The following CEP63 variants were observed in gnomAD, a reference collection of about 807,000 sequenced individuals.
CEP63 encodes centrosomal protein of 63 kDa.
Under a neutral mutation model 89.1 loss-of-function variants are expected in CEP63, and 84 were observed. That is an observed-to-expected ratio of 0.94 (90% CI 0.79 to 1.13). The LOEUF is 1.13. CEP63 is among the 50% of genes most tolerant of loss of function. The pLI is 0.00. For missense variants in CEP63, 838 were observed against 813.3 expected (o/e 1.03, Z -0.37); for synonymous variants, 267 against 272.5 (o/e 0.98, Z 0.20).
the CEP63 span, chr3:134,629,580 C>G: frequency 2.0e-6 from 3 of 1,509,558 alleles, no homozygotes; most frequent in Non-Finnish European, 2.7e-6. Flanking sequence ...CTTCAATCCT[C>G]TCTGCCAGCC....
chr3:134,651,709 G>A, the CEP63 span: 2 of 780,748 alleles, frequency 2.6e-6, no homozygotes, highest in Non-Finnish European at 3.1e-6. Context: ...AAGTCTTAAA[G>A]TCTCGGTTCG....
downstream of CEP63, among the ~76,000 whole-genome samples, chr3:134,568,346 A>C (rs892964001): frequency 6.6e-6 from 1 of 152,214 alleles, no homozygotes; most frequent in African/African-American, 2.4e-5. Context: ...AATAAAATAC[A>C]ACAAACAAGA....
chr3:134,489,190 T>TA (rs1936798588), intron 1 of CEP63, among the ~76,000 whole-genome samples: 1 of 151,502 alleles, frequency 6.6e-6, no homozygotes, highest in Non-Finnish European at 1.5e-5. Flanking sequence ...ATTCAGTTCC[T>TA]AACTTGCATT....
At chr3:134,650,736 A>C in the CEP63 span, 1 of 1,226,580 alleles carries the variant, frequency 8.2e-7, no homozygotes, top group Non-Finnish European at 1.1e-6. Context: ...CGTTCGGGGG[A>C]GCAATGGGCG....
chr3:134,527,087 T>C (rs6763142), intron 3 of CEP63, among the ~76,000 whole-genome samples: 3,844 of 152,276 alleles, frequency 0.025, 141 homozygotes, highest in African/African-American at 0.087. Context: ...CTTGTTTACA[T>C]GTGCCAGCAG....
the CEP63 span, among the ~76,000 whole-genome samples, chr3:134,621,715 AGG>A: frequency 3.9e-5 from 6 of 152,200 alleles, no homozygotes; most frequent in Non-Finnish European, 8.8e-5. Flanking sequence ...AACAGATAAA[AGG>A]GCATTCGTGA....
At chr3:134,548,157 C>G (rs985739944) in intron 9 of CEP63, among the ~76,000 whole-genome samples, 1 of 152,184 alleles carries the variant, frequency 6.6e-6, no homozygotes, top group African/African-American at 2.4e-5. Flanking sequence ...AAAACCATCC[C>G]TTAATCCTAT....
the CEP63 span, chr3:134,603,952 A>G: frequency 1.2e-6 from 2 of 1,613,960 alleles, no homozygotes; most frequent in South Asian, 2.2e-5. Context: ...CTTCTTGACA[A>G]AGATCTTGAG....
chr3:134,486,004 C>T (rs1935148319), upstream of CEP63: 6 of 969,492 alleles, frequency 6.2e-6, no homozygotes, highest in Non-Finnish European at 7.3e-6. Flanking sequence ...CCCCCCCCCT[C>T]CCCCGCATCA....
chr3:134,599,406 C>T, the CEP63 span, among the ~76,000 whole-genome samples: 24 of 152,164 alleles, frequency 1.6e-4, no homozygotes, highest in Non-Finnish European at 2.4e-4. Context: ...ACTACAGCTA[C>T]GAGAATGGTC....
the CEP63 span, among the ~76,000 whole-genome samples, chr3:134,652,955 C>G: frequency 1.3e-5 from 2 of 152,182 alleles, no homozygotes; most frequent in African/African-American, 4.8e-5. Flanking sequence ...CACTTGCATT[C>G]CCATCTCCCA....
At chr3:134,671,208 A>C in the CEP63 span, among the ~76,000 whole-genome samples, 1 of 152,232 alleles carries the variant, frequency 6.6e-6, no homozygotes. Context: ...GCTGGAGTCC[A>C]TTATCCTACG....
chr3:134,650,824 C>T, the CEP63 span: 9 of 1,584,134 alleles, frequency 5.7e-6, no homozygotes, highest in Non-Finnish European at 7.7e-6. Context: ...GCGCGCGTTA[C>T]CTCCTCCGCG....
chr3:134,494,038 C>G (rs1164775978), intron 1 of CEP63, among the ~76,000 whole-genome samples: 1 of 152,002 alleles, frequency 6.6e-6, no homozygotes, highest in Non-Finnish European at 1.5e-5. Context: ...TTTAAGGGTC[C>G]TCTTTCCTTT....
Position 134,545,772 on chromosome 3 carries a change from C to T in CEP63, c.742C>T (p.Gln248Ter), listed in dbSNP as rs145706998. The part of the protein sequence containing the change: ...VGTSMTVLQE[Q>*]QQKEEKLRES... The stretch of plus-strand genomic sequence containing the variant: ...AACCAGTATGACTGTCCTACAGGAG[C>T]AGCAGCAAAAAGAAGAAAAATTGAG... Residue 248 changes from glutamine to a stop codon, truncating the protein, a stop_gained, in exon 7 of 15, where the codon CAG (glutamine) becomes TAG (stop). Transcript: ENST00000675561. LOFTEE classifies it high-confidence loss of function. 1 of 1,613,270 alleles carries T rather than the reference C, an allele frequency of 6.2e-7. No homozygotes were observed. The highest frequency in any genetic ancestry group is 8.5e-7 in the Non-Finnish European group (1 of 1,179,780).
the CEP63 span, among the ~76,000 whole-genome samples, chr3:134,768,579 G>A: frequency 3.9e-5 from 6 of 152,272 alleles, no homozygotes; most frequent in South Asian, 6.2e-4. Context: ...GAAACACTGG[G>A]ATTTCAGATG....
At chr3:134,537,559 G>A (rs946336584) in intron 6 of CEP63, among the ~76,000 whole-genome samples, 9 of 152,022 alleles carry the variant, frequency 5.9e-5, no homozygotes, top group African/African-American at 1.9e-4. Flanking sequence ...TCATTGTCTT[G>A]CTTACTCAGG....
At chr3:134,567,180 G>T (rs1447816453), downstream of CEP63, among the ~76,000 whole-genome samples, 19 of 150,658 alleles carry the variant, frequency 1.3e-4, no homozygotes, top group Non-Finnish European at 2.1e-4. Context: ...CATATTGTAT[G>T]ACTCCATTTA....
upstream of CEP63, chr3:134,485,881 A>T (rs138101536): frequency 4.8e-4 from 268 of 560,862 alleles, no homozygotes; most frequent in African/African-American, 5.2e-3. Context: ...AATAGGGGGA[A>T]GTCCGACACT....
Sources: allele counts gnomAD v4.1 joint callset (sites outside exome capture counted in the v4.1 genomes callset), GRCh38; gene constraint gnomAD v4.1.1; transcripts MANE v1.5; gene names NCBI Gene and HGNC (gene_info 2026-07-23, HGNC 2026-07-21).